Variants in CHST15 observed in about 807,000 individuals in gnomAD.
CHST15 encodes the protein carbohydrate sulfotransferase 15.
In CHST15, 30 loss-of-function variants were observed where a neutral mutation model predicts 53.6. That is an observed-to-expected ratio of 0.56 (90% CI 0.42 to 0.76). The LOEUF (loss-of-function observed/expected upper bound fraction) is 0.76. CHST15 is among the 30% of genes least tolerant of loss of function. The pLI is 0.00. For synonymous variants in CHST15, 296 were observed against 289.8 expected (o/e 1.02, Z -0.22); for missense variants, 627 against 740.5 (o/e 0.85, Z 1.78).
At position 124,067,469 on chromosome 10, in the gene CHST15, A is replaced by G. The variant is rs1299581546; in HGVS notation, c.-512-20745T>C. On this transcript the variant is annotated intron_variant, in intron 1 of 7. Coordinates refer to ENST00000435907, the MANE Select transcript of CHST15 (RefSeq NM_001270764.2). ...CATCTCCCAGATAAGGACCAGGAGC[A>G]GGCCATCTGCCCCAAACCAAGGCTG... Among the ~76,000 whole-genome samples, 8 of 152,350 alleles carry G rather than the reference A, an allele frequency of 5.3e-5. No individual in the cohort carries two copies. The East Asian group carries it at 1.5e-3, about 29-fold the overall frequency.
chr10:124,021,139 G>A (rs746087976), intron 6 of CHST15, 117 bp downstream of exon 6: 77 of 1,528,340 alleles, frequency 5.0e-5, no homozygotes, highest in Middle Eastern at 5.0e-4. Flanking sequence ...ACATTAAAAC[G>A]CTTCTCTCTG....
At chr10:124,089,985 C>T (rs551206495) in intron 1 of CHST15, among the ~76,000 whole-genome samples, 3 of 152,170 alleles carry the variant, frequency 2.0e-5, no homozygotes, top group South Asian at 2.1e-4. Context: ...ACATGGCACA[C>T]GAGTACATGA....
chr10:124,012,981 T>C (rs1179237031), intron 6 of CHST15, among the ~76,000 whole-genome samples: 2 of 152,212 alleles, frequency 1.3e-5, no homozygotes, highest in African/African-American at 4.8e-5. Context: ...CATCTAATCA[T>C]TACTGAACCA....
At chr10:124,092,958 C>A (rs997707620) in intron 1 of CHST15, among the ~76,000 whole-genome samples, 4 of 152,222 alleles carry the variant, frequency 2.6e-5, no homozygotes, top group Non-Finnish European at 5.9e-5. Context: ...GCGGCTTGCG[C>A]CCCCCGCCGG....
chr10:124,048,440 G>A (rs1173255665), intron 1 of CHST15, among the ~76,000 whole-genome samples: 2 of 152,170 alleles, frequency 1.3e-5, no homozygotes, highest in African/African-American at 4.8e-5. Context: ...GGCCAGTTCT[G>A]GGAAGCCAGG....
Position 124,043,923 on chromosome 10 carries a change from G to A in CHST15, c.886+657C>T, listed in dbSNP as rs1016457651. Reference sequence around the variant, plus strand: ...AGAGCAGGGGAACAGCACAGAGCAGGGGAACAGCACAGAGCAGGGGAACAG... The same window carrying A: ...AGAGCAGGGGAACAGCACAGAGCAGAGGAACAGCACAGAGCAGGGGAACAG... On this transcript the variant is annotated intron_variant, in intron 3 of 7. Coordinates refer to ENST00000435907, the MANE Select transcript of CHST15 (RefSeq NM_001270764.2). Among the ~76,000 whole-genome samples, 6 of 151,096 alleles carry A rather than the reference G, an allele frequency of 4.0e-5. No individual in the cohort carries two copies. The South Asian group carries it at 8.4e-4, about 21-fold the overall frequency.
chr10:124,041,508 G>C (rs918457161), intron 4 of CHST15, among the ~76,000 whole-genome samples: 4 of 151,986 alleles, frequency 2.6e-5, no homozygotes, highest in Non-Finnish European at 5.9e-5. Flanking sequence ...AATTTTCCAA[G>C]ACAGTATATT....
rs1449708310 is a variant in CHST15, at chr10:124,044,574, A to C, written c.886+6T>G. Reference sequence around the variant, plus strand: ...CCAGACAGGAGCCCTGGGACCCAGCACTCACCAAAGCGCTTCCGGGTCCAC... The same window carrying C: ...CCAGACAGGAGCCCTGGGACCCAGCCCTCACCAAAGCGCTTCCGGGTCCAC... On this transcript the variant is annotated splice_donor_region_variant and intron_variant, in intron 3 of 7. Coordinates refer to ENST00000435907, the MANE Select transcript of CHST15 (RefSeq NM_001270764.2). The C allele has an allele frequency of 7.3e-6, 11 of 1,508,218 alleles. No individual in the cohort carries two copies. Among genetic ancestry groups the C allele is most frequent in the Non-Finnish European group, 8.9e-6 (10 of 1,126,692 alleles). The allele number at this position is 1,508,218 out of a possible 1,614,324, so 93.4% of individuals were successfully genotyped here.
At chr10:124,057,086 G>A (rs1399877159) in intron 1 of CHST15, among the ~76,000 whole-genome samples, 2 of 152,218 alleles carry the variant, frequency 1.3e-5, no homozygotes, top group African/African-American at 4.8e-5. Context: ...GCAAGGCAGG[G>A]AGCTACTTGG....
intron 5 of CHST15, among the ~76,000 whole-genome samples, chr10:124,023,626 G>A (rs890405431): frequency 6.6e-5 from 10 of 151,490 alleles, no homozygotes; most frequent in African/African-American, 2.4e-4. Context: ...CTCTCTTCTT[G>A]CACACACACC....
At chr10:124,032,811 G>GAAA (rs11429939) in intron 5 of CHST15, among the ~76,000 whole-genome samples, 1,614 of 135,932 alleles carry the variant, frequency 0.012, 40 homozygotes, top group African/African-American at 0.04. Context: ...TTCTCCTCCA[G>GAAA]AAAAAAAAAA....
intron 1 of CHST15, among the ~76,000 whole-genome samples, chr10:124,088,066 C>T (rs1229463308): frequency 2.0e-5 from 3 of 152,192 alleles, no homozygotes; most frequent in East Asian, 1.9e-4. Context: ...GAGACATGCA[C>T]GGTTAGGAGC....
chr10:124,086,339 T>C (rs1949423865), intron 1 of CHST15, among the ~76,000 whole-genome samples: 1 of 152,234 alleles, frequency 6.6e-6, no homozygotes, highest in Non-Finnish European at 1.5e-5. Context: ...GCGACTGTTC[T>C]CCGCCACCCC....
chr10:124,086,284 G>A (rs1331228922), intron 1 of CHST15, among the ~76,000 whole-genome samples: 1 of 152,170 alleles, frequency 6.6e-6, no homozygotes, highest in African/African-American at 2.4e-5. Context: ...CCCTCCAACC[G>A]TGGGCCGGGC....
Position 124,009,580 on chromosome 10 carries a change from G to T in CHST15, c.*569C>A. 3 of 989,052 alleles carry T rather than the reference G, an allele frequency of 3.0e-6. No homozygotes were observed. Among genetic ancestry groups the T allele is most frequent in the Non-Finnish European group, 3.6e-6 (3 of 831,986 alleles). 61.3% of individuals were successfully genotyped at this position (989,052 alleles called of 1,614,324 possible). A position where few individuals can be genotyped will look rare whatever the true frequency, so the allele number is the denominator to read the frequency against. The stretch of plus-strand genomic sequence containing the variant: ...AGAGCCTCCATTCTCGAAAGACTGC[G>T]GTTCTCTGTCCCAGTGAGGTTAGCG... On this transcript the variant is annotated 3_prime_UTR_variant, in exon 8 of 8. Transcript: ENST00000435907.
At chr10:124,093,422 G>C (rs1949670589) in intron 1 of CHST15, 47 bp downstream of exon 1, 1 of 152,276 alleles carries the variant, frequency 6.6e-6, no homozygotes, top group Non-Finnish European at 1.5e-5. Context: ...ACCTCCTACC[G>C]CCGCTCCTCG....
Position 124,021,115 on chromosome 10 carries a change from G to C in CHST15, c.1347+141C>G, listed in dbSNP as rs184057096. 3 of 1,507,040 alleles carry C rather than the reference G, an allele frequency of 2.0e-6. No homozygotes were observed. In the South Asian group the frequency reaches 3.7e-5, roughly 19 times the overall value. 93.4% of individuals were successfully genotyped at this position (1,507,040 alleles called of 1,614,324 possible). A position where few individuals can be genotyped will look rare whatever the true frequency, so the allele number is the denominator to read the frequency against. On this transcript the variant is annotated intron_variant, in intron 6 of 7. Transcript: ENST00000435907. ...CAGCTTTTACATCCATGAATAATGG[G>C]GAACAGCATTTGCACATTAAAACGC...
rs1467416032 is a variant in CHST15 at position 124,020,437 on chromosome 10, C to T, written c.1347+819G>A. ...AAGTCCAACAGGGCAGCCTGGAATC[C>T]CACCTGCTGCCCCTGCATGCTGCCT... On this transcript the variant is annotated intron_variant, in intron 6 of 7. Transcript: ENST00000435907. 8 of 985,390 alleles carry T rather than the reference C, an allele frequency of 8.1e-6. No individual in the cohort carries two copies. The African/African-American group carries it at 1.4e-4, about 17-fold the overall frequency. The allele number at this position is 985,390 out of a possible 1,614,324, so 61.0% of individuals were successfully genotyped here.
chr10:124,026,472 G>A (rs533657383), intron 5 of CHST15, among the ~76,000 whole-genome samples: 1 of 152,288 alleles, frequency 6.6e-6, no homozygotes, highest in African/African-American at 2.4e-5. Flanking sequence ...GACGTCAAAA[G>A]GCCAGACAGG....
Sources: allele counts gnomAD v4.1 joint callset (sites outside exome capture counted in the v4.1 genomes callset), GRCh38; gene constraint gnomAD v4.1.1; transcripts MANE v1.5; gene names NCBI Gene and HGNC (gene_info 2026-07-23, HGNC 2026-07-21).